Variants in IRAK4 observed in about 807,000 individuals in gnomAD.
The protein encoded by IRAK4 is interleukin 1 receptor associated kinase 4.
Under a neutral mutation model 51.8 loss-of-function variants are expected in IRAK4, and 44 were observed. That is an observed-to-expected ratio of 0.85 (90% CI 0.67 to 1.09). IRAK4 has a LOEUF of 1.09. Among genes scored for constraint, IRAK4 ranks in the 50% least tolerant of loss-of-function variants. The pLI, the probability that IRAK4 is intolerant of heterozygous loss-of-function variation, is 0.00. For missense variants in IRAK4, 487 were observed against 538.0 expected, an observed-to-expected ratio of 0.91 and a Z score of 0.94; for synonymous variants, 149 against 174.1, an observed-to-expected ratio of 0.86 and a Z score of 1.13.
intron 1 of IRAK4, among the ~76,000 whole-genome samples, chr12:43,764,729 G>A (rs1939936031): frequency 1.3e-5 from 2 of 152,146 alleles, no homozygotes; most frequent in African/African-American, 4.8e-5. Flanking sequence ...AAAGAGCAGG[G>A]GCATTGTGAT....
chr12:43,774,131 C>A (rs1294416265), intron 6 of IRAK4, 102 bp downstream of exon 6: 6 of 781,716 alleles, frequency 7.7e-6, no homozygotes, highest in African/African-American at 3.5e-5. Context: ...GATGTTTGCA[C>A]ATATATGAAA....
At chr12:43,767,054 C>A (rs902597857) in intron 1 of IRAK4, among the ~76,000 whole-genome samples, 1 of 152,108 alleles carries the variant, frequency 6.6e-6, no homozygotes, top group Non-Finnish European at 1.5e-5. Flanking sequence ...GCTTTTTACT[C>A]TTTTTGATAG....
chr12:43,768,389 A>G, intron 2 of IRAK4, 117 bp downstream of exon 2: 1 of 710,976 alleles, frequency 1.4e-6, no homozygotes, highest in Non-Finnish European at 2.3e-6. Context: ...ACTATGGAGG[A>G]GACATTGGTA....
rs1020111558 is a variant in IRAK4 at position 43,778,122 on chromosome 12, CTG to C, written c.832-67_832-66del. The C allele has an allele frequency of 6.8e-6, 6 of 887,328 alleles. No homozygotes were observed. The African/African-American group carries it at 8.4e-5, about 12-fold the overall frequency. The allele number at this position is 887,328 out of a possible 1,614,324, so 55.0% of individuals were successfully genotyped here. ...TTCAGTTGTTGCCTAGAAAAATATT[CTG>C]TGTTATATATTCTCTGTAGATTTTT... On this transcript the variant is annotated intron_variant, in intron 7 of 11. Coordinates refer to ENST00000613694, the MANE Select transcript of IRAK4 (RefSeq NM_016123.4).
chr12:43,765,777 AAGTACT>A (rs1168826066), intron 1 of IRAK4, among the ~76,000 whole-genome samples: 1 of 151,820 alleles, frequency 6.6e-6, no homozygotes. Flanking sequence ...CCACATATAT[AAGTACT>A]TGGTATGAAG....
Position 43,778,304 on chromosome 12 carries a change from T to A in IRAK4, c.941+2T>A. 6.7e-7 allele frequency: 1 copy of A among 1,490,978 alleles called. No individual in the cohort carries two copies. Among genetic ancestry groups the A allele is most frequent in the Non-Finnish European group, 9.4e-7 (1 of 1,068,086 alleles). 92.4% of individuals were successfully genotyped at this position (1,490,978 alleles called of 1,614,324 possible). The stretch of plus-strand genomic sequence containing the variant: ...TCATATTCATAGAGATATTAAAAGG[T>A]AAATGCTACTGTTTAAAAGTTTTTG... On this transcript the variant is annotated splice_donor_variant, in intron 8 of 11. Transcript: ENST00000613694. LOFTEE classifies it high-confidence loss of function.
chr12:43,777,735 CT>C lies in IRAK4; in HGVS notation c.823del (p.Ser275LeufsTer13), dbSNP rs1344157494. ...CTAATGGTTCATTGCTAGACAGACT[CT>C]CTTGCTTGGTAAGCTATTTGTTCAT... The part of the protein sequence containing the change: ...MPNGSLLDRL[S>X]CLDGTPPLSW... On this transcript the variant is annotated frameshift_variant, in exon 7 of 12. Coordinates refer to ENST00000613694, the MANE Select transcript of IRAK4 (RefSeq NM_016123.4). LOFTEE classifies it high-confidence loss of function. 6.2e-7 allele frequency: 1 copy of C among 1,608,694 alleles called. No individual in the cohort carries two copies. Among genetic ancestry groups the C allele is most frequent in the Non-Finnish European group, 8.5e-7 (1 of 1,175,394 alleles).
Position 43,782,498 on chromosome 12 carries a change from C to G in IRAK4, c.1125+8C>G, listed in dbSNP as rs1941865228. 6.3e-7 allele frequency: 1 copy of G among 1,597,224 alleles called. No individual in the cohort carries two copies. Among genetic ancestry groups the G allele is most frequent in the Non-Finnish European group, 8.6e-7 (1 of 1,165,300 alleles). On this transcript the variant is annotated splice_region_variant and intron_variant, in intron 9 of 11. Coordinates refer to ENST00000613694, the MANE Select transcript of IRAK4 (RefSeq NM_016123.4). Reference sequence around the variant, plus strand: ...ATTTACAGCTTTGGTGTGGTAAGTTCCGTATACATAATTATTAAAAATAAT... The same window carrying G: ...ATTTACAGCTTTGGTGTGGTAAGTTGCGTATACATAATTATTAAAAATAAT...
At position 43,778,232 on chromosome 12, in the gene IRAK4, A is replaced by G. The variant is rs1200543913; in HGVS notation, c.871A>G (p.Ile291Val). ...ACTTTCTTGGCACATGAGATGCAAGATTGCTCAGGGTGCAGCTAATGGCAT... is the reference window on the plus strand; with the variant it reads ...ACTTTCTTGGCACATGAGATGCAAGGTTGCTCAGGGTGCAGCTAATGGCAT... Reference protein sequence around the residue: ...PPLSWHMRCKIAQGAANGINF... With the variant: ...PPLSWHMRCKVAQGAANGINF... Residue 291 changes from isoleucine (I) to valine (V), a missense_variant, in exon 8 of 12, where the codon ATT (isoleucine) becomes GTT (valine). Ile to Val is a conservative substitution (Grantham distance 29, BLOSUM62 3). Transcript: ENST00000613694. 6.2e-7 allele frequency: 1 copy of G among 1,611,882 alleles called. No individual in the cohort carries two copies. Among genetic ancestry groups the G allele is most frequent in the Admixed American group, 1.7e-5 (1 of 60,010 alleles).
intron 1 of IRAK4, among the ~76,000 whole-genome samples, chr12:43,766,384 T>G (rs1940152410): frequency 1.3e-5 from 2 of 152,164 alleles, no homozygotes; most frequent in African/African-American, 4.8e-5. Context: ...CAAATCTGTC[T>G]TGATATCCCT....
intron 1 of IRAK4, among the ~76,000 whole-genome samples, chr12:43,762,077 C>T (rs1939618628): frequency 6.6e-6 from 1 of 151,912 alleles, no homozygotes; most frequent in Admixed American, 6.6e-5. Context: ...ATTGAAAATT[C>T]AGAAAAGCAA....
chr12:43,760,881 T>G (rs973418761), intron 1 of IRAK4: 1 of 152,226 alleles, frequency 6.6e-6, no homozygotes, highest in African/African-American at 2.4e-5. Flanking sequence ...GTTTTGGTTT[T>G]GTTTTGTTTT....
chr12:43,780,124 C>T (rs1422488110), intron 8 of IRAK4, among the ~76,000 whole-genome samples: 1 of 152,138 alleles, frequency 6.6e-6, no homozygotes, highest in African/African-American at 2.4e-5. Context: ...CAAAAAGAGT[C>T]AAGGGCTTTA....
intron 6 of IRAK4, among the ~76,000 whole-genome samples, chr12:43,774,347 C>T (rs923367645): frequency 9.2e-5 from 14 of 152,104 alleles, no homozygotes; most frequent in Non-Finnish European, 8.8e-5. Context: ...CAGGTTCAAG[C>T]GATTCTCCTG....
chr12:43,785,741 A>G (rs1476646259), intron 10 of IRAK4, among the ~76,000 whole-genome samples: 1 of 151,566 alleles, frequency 6.6e-6, no homozygotes, highest in Non-Finnish European at 1.5e-5. Context: ...AACCTCATAG[A>G]GTGTACTTAC....
chr12:43,780,367 T>G (rs1238936676), intron 8 of IRAK4, among the ~76,000 whole-genome samples: 1 of 152,076 alleles, frequency 6.6e-6, no homozygotes, highest in Non-Finnish European at 1.5e-5. Flanking sequence ...CTTATGTGCC[T>G]ATAGGAAGGA....
At chr12:43,779,925 G>A (rs1941629759) in intron 8 of IRAK4, among the ~76,000 whole-genome samples, 2 of 152,150 alleles carry the variant, frequency 1.3e-5, no homozygotes, top group Admixed American at 6.5e-5. Context: ...CACTTGAGGG[G>A]AGATGTAGAT....
chr12:43,777,574 TA>T (rs1460439470), intron 6 of IRAK4, 55 bp from the exon 7 acceptor site: 5 of 1,494,030 alleles, frequency 3.3e-6, no homozygotes, highest in Non-Finnish European at 4.5e-6. Flanking sequence ...ACTTCCAACC[TA>T]TAGCTGAATA....
intron 1 of IRAK4, among the ~76,000 whole-genome samples, chr12:43,762,865 A>G (rs995984524): frequency 1.8e-4 from 28 of 152,180 alleles, no homozygotes; most frequent in Non-Finnish European, 3.8e-4. Flanking sequence ...AAATAACAGT[A>G]TGTGGGAACT....
Sources: allele counts gnomAD v4.1 joint callset (sites outside exome capture counted in the v4.1 genomes callset), GRCh38; gene constraint gnomAD v4.1.1; transcripts MANE v1.5; gene names NCBI Gene and HGNC (gene_info 2026-07-23, HGNC 2026-07-21).